The following EYS variants were observed in gnomAD, a reference collection of about 807,000 sequenced individuals.
The protein encoded by EYS is protein eyes shut homolog.
EYS carries 250 observed loss-of-function variants against 282.1 expected under a neutral mutation model. The observed-to-expected ratio is 0.89, with a 90% CI of 0.80 to 0.98. The LOEUF (loss-of-function observed/expected upper bound fraction) is 0.98, where lower values mean the gene tolerates loss of function less well. EYS is among the 50% of genes least tolerant of loss of function. EYS has a pLI of 0.00. For synonymous variants in EYS, 1,355 were observed against 1,282.9 expected (o/e 1.06, Z -1.20); for missense variants, 4,016 against 3,709.0 (o/e 1.08, Z -2.15).
intron 12 of EYS, among the ~76,000 whole-genome samples, chr6:65,222,680 T>C (rs1051770311): frequency 6.6e-5 from 10 of 152,196 alleles, no homozygotes; most frequent in Admixed American, 1.3e-4. Flanking sequence ...TATATAGTGC[T>C]AAGGAATATG....
At chr6:65,644,469 C>G (rs1767386064) in intron 1 of EYS, among the ~76,000 whole-genome samples, 1 of 152,108 alleles carries the variant, frequency 6.6e-6, no homozygotes, top group South Asian at 2.1e-4. Flanking sequence ...GAAGAGAAAT[C>G]AAAAAGTTTG....
At chr6:64,633,963 A>G (rs982461980) in intron 22 of EYS, among the ~76,000 whole-genome samples, 1 of 152,048 alleles carries the variant, frequency 6.6e-6, no homozygotes, top group Non-Finnish European at 1.5e-5. Context: ...AAATGGTGAG[A>G]TGACAAATGC....
chr6:64,038,897 T>C (rs754674638), intron 33 of EYS, among the ~76,000 whole-genome samples: 2 of 151,964 alleles, frequency 1.3e-5, no homozygotes, highest in Non-Finnish European at 2.9e-5. Flanking sequence ...CTCCGCCTCC[T>C]AGGTTCAAGA....
intron 28 of EYS, among the ~76,000 whole-genome samples, chr6:64,411,433 T>A (rs1773886735): frequency 6.6e-6 from 1 of 152,098 alleles, no homozygotes; most frequent in South Asian, 2.1e-4. Context: ...AGTTAGATCA[T>A]ACAAATGGAA....
At chr6:63,836,980 CT>C (rs1460727895) in intron 36 of EYS, among the ~76,000 whole-genome samples, 5 of 151,862 alleles carry the variant, frequency 3.3e-5, no homozygotes, top group Non-Finnish European at 7.4e-5. Context: ...ATTTTTTCTC[CT>C]TTTGAAACAG....
intron 30 of EYS, among the ~76,000 whole-genome samples, chr6:64,269,854 A>G (rs1767882007): frequency 6.6e-6 from 1 of 152,060 alleles, no homozygotes; most frequent in Admixed American, 6.6e-5. Context: ...GCAAGATATG[A>G]GCAAGGTATT....
intron 1 of EYS, among the ~76,000 whole-genome samples, chr6:65,642,331 T>C (rs1160143904): frequency 6.6e-6 from 1 of 152,146 alleles, no homozygotes; most frequent in African/African-American, 2.4e-5. Flanking sequence ...TAAGCATAAT[T>C]AAGCACTGCA....
intron 2 of EYS, among the ~76,000 whole-genome samples, chr6:65,519,710 T>TATATATATATATATATATA (rs547637518): frequency 7.1e-5 from 2 of 28,018 alleles, no homozygotes; most frequent in African/African-American, 2.7e-4. Context: ...ATATATATAT[T>TATATATATATATATATATA]TTTTTTTTTT....
At chr6:65,258,967 G>GA (rs980020723) in intron 12 of EYS, among the ~76,000 whole-genome samples, 18 of 152,060 alleles carry the variant, frequency 1.2e-4, no homozygotes, top group Non-Finnish European at 2.4e-4. Flanking sequence ...ATGCAAGCTG[G>GA]AGGGGAGTAC....
intron 12 of EYS, among the ~76,000 whole-genome samples, chr6:65,136,927 C>T (rs1301247431): frequency 1.3e-5 from 2 of 152,046 alleles, no homozygotes; most frequent in African/African-American, 4.8e-5. Context: ...AGCAATCTGC[C>T]CACCTCGGCC....
chr6:65,388,991 C>A (rs1382846337), intron 7 of EYS, among the ~76,000 whole-genome samples: 1 of 151,938 alleles, frequency 6.6e-6, no homozygotes, highest in East Asian at 1.9e-4. Context: ...ACAATCCAAC[C>A]CCTTCTTATT....
In EYS at chr6:64,997,647, G is replaced by A. The variant is rs794727120; in HGVS notation, c.2194C>T (p.Gln732Ter). Residue 732 changes from glutamine to a stop codon, truncating the protein, a stop_gained, in exon 14 of 43, where the codon CAG becomes TAG. Coordinates refer to ENST00000503581, the MANE Select transcript of EYS (RefSeq NM_001142800.2). LOFTEE classifies it high-confidence loss of function. The stretch of plus-strand genomic sequence containing the variant: ...TTCAGGATGCAGTCATCAATGTCCT[G>A]TTCACATCTTATCCCAACATAGCCT... ...NPGYVGIRCE[Q>*]DIDDCILNAC... 7.7e-6 allele frequency: 12 copies of A among 1,551,136 alleles called. No individual in the cohort carries two copies. Among genetic ancestry groups the A allele is most frequent in the Non-Finnish European group, 1.0e-5 (12 of 1,146,534 alleles).
chr6:65,056,439 A>C (rs1398838589), intron 13 of EYS, among the ~76,000 whole-genome samples: 1 of 152,030 alleles, frequency 6.6e-6, no homozygotes, highest in Non-Finnish European at 1.5e-5. Context: ...CAAAAATACA[A>C]AAACTACCCT....
intron 12 of EYS, among the ~76,000 whole-genome samples, chr6:65,274,450 T>G (rs1029405808): frequency 1.3e-5 from 2 of 152,192 alleles, no homozygotes; most frequent in Admixed American, 1.3e-4. Flanking sequence ...CTTTATTGCT[T>G]GAGCAAATTA....
chr6:64,107,568 A>C (rs1477005234), intron 31 of EYS, among the ~76,000 whole-genome samples: 1 of 151,884 alleles, frequency 6.6e-6, no homozygotes, highest in African/African-American at 2.4e-5. Context: ...TAAAGGGTGG[A>C]TCTGCTCTCC....
At chr6:64,283,388 C>T (rs1768379362) in intron 30 of EYS, among the ~76,000 whole-genome samples, 1 of 152,150 alleles carries the variant, frequency 6.6e-6, no homozygotes, top group South Asian at 2.1e-4. Context: ...TGTAGCCTGT[C>T]TTCTATACTA....
At chr6:64,522,110 A>G (rs1037127787) in intron 26 of EYS, among the ~76,000 whole-genome samples, 2 of 151,850 alleles carry the variant, frequency 1.3e-5, no homozygotes, top group African/African-American at 4.8e-5. Context: ...AGGTGCTGCC[A>G]TTGATGTGTT....
intron 12 of EYS, among the ~76,000 whole-genome samples, chr6:65,137,594 A>G (rs1776056891): frequency 6.6e-6 from 1 of 152,090 alleles, no homozygotes; most frequent in Non-Finnish European, 1.5e-5. Flanking sequence ...AGGTCTGGGG[A>G]AAGCAGGAAG....
intron 35 of EYS, among the ~76,000 whole-genome samples, chr6:63,888,776 G>A (rs1324808406): frequency 6.6e-6 from 1 of 152,238 alleles, no homozygotes; most frequent in East Asian, 1.9e-4. Context: ...CACAAAACTG[G>A]ATGGAGAATG....
Sources: gnomAD v4.1 joint callset for allele counts (sites outside exome capture counted in the v4.1 genomes callset) on GRCh38, gnomAD v4.1.1 for gene constraint, MANE v1.5 for transcripts, NCBI Gene and HGNC (gene_info 2026-07-23, HGNC 2026-07-21) for gene names.